Variants in DAB1 observed in about 807,000 individuals in gnomAD.
The protein encoded by DAB1 is disabled homolog 1.
DAB1 carries 15 observed loss-of-function variants against 64.6 expected under a neutral mutation model. The ratio of observed to expected loss-of-function variants is 0.23; its 90% confidence interval spans 0.16 to 0.36. DAB1 has a LOEUF of 0.36. Ranked by LOEUF, DAB1 falls within the 10% of genes least tolerant of loss-of-function variation. The pLI is 1.00. For synonymous variants in DAB1, 235 were observed against 251.9 expected (o/e 0.93, Z 0.64); for missense variants, 596 against 706.7 (o/e 0.84, Z 1.78).
chr1:58,526,601 CAAAAAA>C (rs10574530), intron 2 of DAB1, among the ~76,000 whole-genome samples: 1 of 121,408 alleles, frequency 8.2e-6, no homozygotes. Context: ...CTATGGCTAG[CAAAAAA>C]AAAAAAAAAA....
intron 5 of DAB1, among the ~76,000 whole-genome samples, chr1:58,011,043 C>T (rs1160274389): frequency 6.6e-6 from 1 of 152,170 alleles, no homozygotes; most frequent in Non-Finnish European, 1.5e-5. Context: ...CATTGAGATC[C>T]TACCCAAATG....
chr1:58,262,446 G>A (rs1331857879), intron 4 of DAB1, among the ~76,000 whole-genome samples: 2 of 152,164 alleles, frequency 1.3e-5, no homozygotes, highest in African/African-American at 2.4e-5. Flanking sequence ...TTAGCTGAAT[G>A]TGGTGGTATG....
intron 6 of DAB1, among the ~76,000 whole-genome samples, chr1:57,729,760 T>A (rs1021590352): frequency 3.9e-5 from 6 of 152,182 alleles, no homozygotes; most frequent in South Asian, 2.1e-4. Flanking sequence ...TTTCTAAGTG[T>A]TTTATATAAG....
intron 6 of DAB1, among the ~76,000 whole-genome samples, chr1:57,741,609 T>C (rs928611719): frequency 6.6e-6 from 1 of 152,180 alleles, no homozygotes; most frequent in African/African-American, 2.4e-5. Context: ...CTCAGAGAAG[T>C]AGGTGAAGGG....
intron 3 of DAB1, among the ~76,000 whole-genome samples, chr1:58,485,239 A>AAAAAAAAT (rs1557435884): frequency 6.7e-5 from 10 of 148,980 alleles, no homozygotes; most frequent in African/African-American, 2.5e-4. Flanking sequence ...AAAAAAAAAA[A>AAAAAAAAT]AAAAAAAAAA....
intron 3 of DAB1, among the ~76,000 whole-genome samples, chr1:58,344,005 C>T (rs913617610): frequency 6.6e-6 from 1 of 152,134 alleles, no homozygotes; most frequent in Admixed American, 6.5e-5. Flanking sequence ...TCAACAATGT[C>T]TCCTTAATGA....
Position 58,316,375 on chromosome 1 carries a change from A to C in DAB1, n.309+26977T>G, listed in dbSNP as rs189975997. 2.6e-3 allele frequency among the ~76,000 whole-genome samples: 400 copies of C among 152,324 alleles called. 5 individuals are homozygous for C. Among genetic ancestry groups the C allele is most frequent in the African/African-American group, 8.6e-3 (356 of 41,570 alleles). Reference sequence around the variant, plus strand: ...TTATTTAAAATGAACTAAACAAAAAATGGTGGGTTTGATCCAAGCAAGGAA... The same window carrying C: ...TTATTTAAAATGAACTAAACAAAAACTGGTGGGTTTGATCCAAGCAAGGAA... On this transcript the variant is annotated intron_variant and non_coding_transcript_variant, in intron 4 of 20. Transcript: ENST00000485760.
At chr1:57,954,095 A>G (rs1645335809) in intron 5 of DAB1, among the ~76,000 whole-genome samples, 2 of 152,004 alleles carry the variant, frequency 1.3e-5, no homozygotes, top group Admixed American at 6.6e-5. Context: ...CCTCTTCTCT[A>G]TGTGCTTCCA....
intron 3 of DAB1, among the ~76,000 whole-genome samples, chr1:58,496,165 TAGA>T (rs1645798283): frequency 6.6e-6 from 1 of 151,704 alleles, no homozygotes; most frequent in East Asian, 2.0e-4. Context: ...TTCATTTTTT[TAGA>T]CTTTTTTTTT....
At chr1:57,175,247 A>G (rs1662177706) in intron 2 of DAB1, among the ~76,000 whole-genome samples, 1 of 152,156 alleles carries the variant, frequency 6.6e-6, no homozygotes, top group East Asian at 1.9e-4. Flanking sequence ...CTGGATGTAC[A>G]TTTATATTTC....
At chr1:57,377,851 C>T (rs1681035283) in intron 1 of DAB1, among the ~76,000 whole-genome samples, 1 of 152,156 alleles carries the variant, frequency 6.6e-6, no homozygotes, top group South Asian at 2.1e-4. Context: ...GCTGTTACCA[C>T]TCCAAGGCCT....
chr1:57,914,101 T>A (rs931203708), intron 5 of DAB1, among the ~76,000 whole-genome samples: 8 of 152,072 alleles, frequency 5.3e-5, no homozygotes, highest in African/African-American at 1.9e-4. Context: ...CTGGGTATAT[T>A]CCCAAAGGAT....
At position 58,057,203 on chromosome 1, in the gene DAB1, AT is replaced by A. The variant is rs939832493; in HGVS notation, n.387+93307del. The stretch of plus-strand genomic sequence containing the variant: ...ATATTGTAAGTGCTCAAGAATGTTT[AT>A]TTTTTTTAATTATGAATCCCTGCAT... On this transcript the variant is annotated intron_variant and non_coding_transcript_variant, in intron 5 of 20. Coordinates refer to the DAB1 transcript ENST00000485760. Among the ~76,000 whole-genome samples, 69 of 152,008 alleles carry A rather than the reference AT, an allele frequency of 4.5e-4. 1 individual carries two copies. The highest frequency in any genetic ancestry group is 1.9e-3 in the South Asian group (9 of 4,792).
At position 57,719,171 on chromosome 1, in the gene DAB1, A is replaced by G. The variant is rs556206077; in HGVS notation, n.552-69506T>C. 9.3e-4 allele frequency among the ~76,000 whole-genome samples: 142 copies of G among 152,350 alleles called. 3 individuals carry two copies. The highest frequency in any genetic ancestry group is 5.4e-3 in the South Asian group (26 of 4,830). ...AGTGAATCCAGTGTTGGAATTAGAA[A>G]TGTACAATGCTTTTTAATTAATTTA... On this transcript the variant is annotated intron_variant and non_coding_transcript_variant, in intron 6 of 20. Transcript: ENST00000485760.
chr1:57,975,200 C>T (rs771651984), intron 5 of DAB1, among the ~76,000 whole-genome samples: 113 of 152,292 alleles, frequency 7.4e-4, no homozygotes, highest in Middle Eastern at 3.4e-3. Context: ...CCTCACCAGA[C>T]ACTAGATGTG....
chr1:57,246,248 A>G (rs1434151619), intron 2 of DAB1, among the ~76,000 whole-genome samples: 2 of 151,848 alleles, frequency 1.3e-5, no homozygotes, highest in Admixed American at 1.3e-4. Flanking sequence ...TTTCATGGGC[A>G]AGAACCTACC....
rs182565693 is a variant in DAB1, at chr1:58,166,941, T to G, written n.310-16353A>C. 2.1e-3 allele frequency among the ~76,000 whole-genome samples: 323 copies of G among 151,874 alleles called. 4 individuals carry two copies. Among genetic ancestry groups the G allele is most frequent in the African/African-American group, 7.4e-3 (306 of 41,420 alleles). On this transcript the variant is annotated intron_variant and non_coding_transcript_variant, in intron 4 of 20. Transcript: ENST00000485760. ...TTTGTGCTTTTAGTAGAGATGGGGT[T>G]TCACCATGTTGACCAGGCTGGTCTC...
intron 4 of DAB1, among the ~76,000 whole-genome samples, chr1:57,100,011 A>G (rs1654522702): frequency 6.6e-6 from 1 of 152,182 alleles, no homozygotes; most frequent in Non-Finnish European, 1.5e-5. Flanking sequence ...CTGATTAAAG[A>G]GTATTAAATC....
chr1:57,988,625 T>C (rs911171400), intron 5 of DAB1, among the ~76,000 whole-genome samples: 4 of 152,134 alleles, frequency 2.6e-5, no homozygotes, highest in African/African-American at 9.7e-5. Flanking sequence ...TGTTGCCTCC[T>C]GTTATTGCAA....
Sources: allele counts gnomAD v4.1 joint callset (sites outside exome capture counted in the v4.1 genomes callset), GRCh38; gene constraint gnomAD v4.1.1; transcripts MANE v1.5; gene names NCBI Gene and HGNC (gene_info 2026-07-23, HGNC 2026-07-21).